The following AKAP13 variants were observed in gnomAD, a reference collection of about 807,000 sequenced individuals.
AKAP13 encodes A-kinase anchoring protein 13, also known as A-kinase anchor protein 13.
Under a neutral mutation model 264.5 loss-of-function variants are expected in AKAP13, and 80 were observed. The ratio of observed to expected loss-of-function variants is 0.30; its 90% CI spans 0.25 to 0.36. The LOEUF is 0.36. AKAP13 is among the 10% of genes least tolerant of loss of function. The probability of loss-of-function intolerance (pLI) is 1.00; values close to 1 mark genes in which losing one functional copy is unlikely to be tolerated. For missense variants in AKAP13, 3,712 were observed against 3,435.2 expected (o/e 1.08, Z -2.01); for synonymous variants, 1,380 against 1,250.2 (o/e 1.10, Z -2.19).
intron 16 of AKAP13, among the ~76,000 whole-genome samples, chr15:85,692,558 C>T (rs900658270): frequency 1.7e-4 from 26 of 151,958 alleles, no homozygotes; most frequent in Non-Finnish European, 2.4e-4. Context: ...GAATCTGAAC[C>T]GAGGTCTGGT....
In AKAP13 at chr15:85,386,266, T is replaced by C. The variant is rs913053539; in HGVS notation, c.-12+5468T>C. Among the ~76,000 whole-genome samples the C allele has an allele frequency of 4.0e-4, 61 of 152,270 alleles. 1 individual carries two copies. The highest frequency in any genetic ancestry group is 3.4e-3 in the Middle Eastern group (1 of 294). ...AGAAATCTTTGCCTAACTTAAGAGC[T>C]CAAAGACTTTCCCCTATATTTCCTC... On this transcript the variant is annotated intron_variant, in intron 1 of 36. Coordinates refer to ENST00000394518, the MANE Select transcript of AKAP13 (RefSeq NM_007200.5).
chr15:85,491,575 A>G (rs973376476), intron 2 of AKAP13, among the ~76,000 whole-genome samples: 1 of 148,376 alleles, frequency 6.7e-6, no homozygotes, highest in Non-Finnish European at 1.5e-5. Context: ...CTCTTATGAG[A>G]GGACAGTGTA....
At chr15:85,393,759 G>A (rs186138527) in intron 1 of AKAP13, among the ~76,000 whole-genome samples, 289 of 152,164 alleles carry the variant, frequency 1.9e-3, no homozygotes, top group Middle Eastern at 6.8e-3. Context: ...TTTGATCTGG[G>A]ACATTGTGAC....
chr15:85,587,812 A>G (rs1383533179), intron 8 of AKAP13, among the ~76,000 whole-genome samples: 1 of 152,002 alleles, frequency 6.6e-6, no homozygotes, highest in Non-Finnish European at 1.5e-5. Context: ...ACGCCCGGCT[A>G]CTTTTTTGTG....
At chr15:85,714,630 C>T (rs1192251513) in intron 19 of AKAP13, among the ~76,000 whole-genome samples, 1 of 152,206 alleles carries the variant, frequency 6.6e-6, no homozygotes, top group Non-Finnish European at 1.5e-5. Flanking sequence ...TCCTAAAGAA[C>T]GCTGCTCCCA....
chr15:85,539,944 C>T (rs1289018062), intron 4 of AKAP13, among the ~76,000 whole-genome samples: 2 of 152,060 alleles, frequency 1.3e-5, no homozygotes, highest in Non-Finnish European at 2.9e-5. Context: ...CCCATTTGCC[C>T]TTTAAAGAGC....
chr15:85,410,952 T>C (rs1280446995), intron 1 of AKAP13, among the ~76,000 whole-genome samples: 4 of 148,588 alleles, frequency 2.7e-5, no homozygotes, highest in South Asian at 2.1e-4. Context: ...ACTTGTACTC[T>C]ATACAGGTTC....
At position 85,534,231 on chromosome 15, in the gene AKAP13, G is replaced by A. The variant is rs1333692986; in HGVS notation, c.478+351G>A. The A allele has an allele frequency of 9.4e-6, 3 of 317,750 alleles. No individual in the cohort carries two copies. In the Admixed American group the frequency reaches 1.4e-4, roughly 15 times the overall value. 19.7% of individuals were successfully genotyped at this position (317,750 alleles called of 1,614,324 possible). A position where few individuals can be genotyped will look rare whatever the true frequency, so the allele number is the denominator to read the frequency against. Reference sequence around the variant, plus strand: ...TTGGTGTTTAATGATCAAAGACATGGTTTTCATTATTGTATTCTGAAGTTC... The same window carrying A: ...TTGGTGTTTAATGATCAAAGACATGATTTTCATTATTGTATTCTGAAGTTC... On this transcript the variant is annotated intron_variant, in intron 4 of 36. Transcript: ENST00000394518.
chr15:85,659,355 T>C (rs746678931), intron 12 of AKAP13, among the ~76,000 whole-genome samples: 1 of 152,232 alleles, frequency 6.6e-6, no homozygotes, highest in Non-Finnish European at 1.5e-5. Flanking sequence ...GAGGCATTTG[T>C]AAAGAAGTAT....
At chr15:85,528,954 T>G (rs977383743) in intron 3 of AKAP13, among the ~76,000 whole-genome samples, 4 of 152,342 alleles carry the variant, frequency 2.6e-5, no homozygotes, top group Non-Finnish European at 4.4e-5. Context: ...TTTCCTTTCT[T>G]GTTACCAGGA....
Position 85,579,157 on chromosome 15 carries a change from G to A in AKAP13, c.1089G>A (p.Glu363=). The A allele has an allele frequency of 6.2e-7, 1 of 1,614,134 alleles. No homozygotes were observed. The highest frequency in any genetic ancestry group is 8.5e-7 in the Non-Finnish European group (1 of 1,180,032). ...ATTTGTCAAGCATAGTTGAGGAGGA[G>A]AATACAGACCGTTCCTGTAGGAAGA... ...PCDLSSIVEE[E]NTDRSCRKKN... The change falls in exon 7 of 37, where the codon GAG becomes GAA. Residue 363 remains glutamate (E), a synonymous_variant. Coordinates refer to ENST00000394518, the MANE Select transcript of AKAP13 (RefSeq NM_007200.5).
rs2071291024 is a variant in AKAP13 at position 85,399,507 on chromosome 15, A to AT, written c.-12+18709_-12+18710insT. ...GACAGAGCGAGACTCCGTCTCAAAA[A>AT]AAAAAAAAAAAAAAATAAAAAAATA... is the stretch of plus-strand genomic sequence containing the variant. On this transcript the variant is annotated intron_variant, in intron 1 of 36. Transcript: ENST00000394518. Among the ~76,000 whole-genome samples, 23 of 59,098 alleles carry AT rather than the reference A, an allele frequency of 3.9e-4. 1 individual carries two copies. The highest frequency in any genetic ancestry group is 8.3e-3 in the Middle Eastern group (1 of 120). The allele number at this position is 59,098 out of a possible 152,430, so 38.8% of individuals were successfully genotyped here.
intron 1 of AKAP13, among the ~76,000 whole-genome samples, chr15:85,390,085 A>T (rs913903819): frequency 2.0e-5 from 3 of 152,226 alleles, no homozygotes; most frequent in Non-Finnish European, 4.4e-5. Context: ...GCAAATGGTT[A>T]TATGACATAC....
chr15:85,561,115 C>T (rs994165932), intron 5 of AKAP13, among the ~76,000 whole-genome samples: 5 of 145,968 alleles, frequency 3.4e-5, no homozygotes, highest in African/African-American at 5.1e-5. Flanking sequence ...TGGAGTGCAA[C>T]GGCGCAATCT....
intron 29 of AKAP13, among the ~76,000 whole-genome samples, chr15:85,729,415 CTG>C (rs1380549872): frequency 2.0e-5 from 3 of 152,078 alleles, no homozygotes; most frequent in African/African-American, 7.2e-5. Flanking sequence ...GAGTTGTTGA[CTG>C]AGAAAGAGAT....
chr15:85,536,999 GAA>G (rs974888676), intron 4 of AKAP13: 1 of 152,172 alleles, frequency 6.6e-6, no homozygotes, highest in African/African-American at 2.4e-5. Context: ...AATAACAAAA[GAA>G]ATTGTGTAAG....
intron 1 of AKAP13, among the ~76,000 whole-genome samples, chr15:85,418,884 T>G (rs921230362): frequency 6.6e-6 from 1 of 152,208 alleles, no homozygotes; most frequent in Non-Finnish European, 1.5e-5. Context: ...AAGGAGACAG[T>G]TGAAATATTG....
At chr15:85,489,548 T>C (rs1291922929) in intron 2 of AKAP13, among the ~76,000 whole-genome samples, 1 of 152,166 alleles carries the variant, frequency 6.6e-6, no homozygotes, top group Non-Finnish European at 1.5e-5. Context: ...TCTCTGCACC[T>C]GGACAAAGAA....
chr15:85,695,796 C>G lies in AKAP13; in HGVS notation c.5464+2345C>G, dbSNP rs911450281. On this transcript the variant is annotated intron_variant, in intron 17 of 36. Coordinates refer to ENST00000394518, the MANE Select transcript of AKAP13 (RefSeq NM_007200.5). ...AGCCACTACCACATAATAATAATTT[C>G]ATGTAACCTCTAGGAAACAAGAGAC... Among the ~76,000 whole-genome samples the G allele has an allele frequency of 2.6e-5, 4 of 152,196 alleles. No homozygotes were observed. In the East Asian group the frequency reaches 7.7e-4, roughly 29 times the overall value.
Sources: gnomAD v4.1 joint callset for allele counts (sites outside exome capture counted in the v4.1 genomes callset) on GRCh38, gnomAD v4.1.1 for gene constraint, MANE v1.5 for transcripts, NCBI Gene and HGNC (gene_info 2026-07-23, HGNC 2026-07-21) for gene names.